GPC5: variants seen among roughly 807,000 people sequenced by gnomAD.
GPC5 encodes the protein glypican 5.
A neutral mutation model predicts 53.9 loss-of-function variants in GPC5; 47 were observed. The observed-to-expected ratio is 0.87, with a 90% CI of 0.69 to 1.11. The LOEUF is 1.11. GPC5 is among the 50% of genes most tolerant of loss of function. GPC5 has a pLI of 0.00. For missense variants in GPC5, 748 were observed against 713.1 expected, an observed-to-expected ratio of 1.05 and a Z score of -0.56; for synonymous variants, 286 against 263.3, an observed-to-expected ratio of 1.09 and a Z score of -0.84.
chr13:92,529,774 C>A (rs917379085), intron 7 of GPC5, among the ~76,000 whole-genome samples: 1 of 152,076 alleles, frequency 6.6e-6, no homozygotes, highest in African/African-American at 2.4e-5. Flanking sequence ...ATATTAAGCA[C>A]TAAAATTAAC....
At chr13:92,732,328 T>C (rs1888830315) in intron 7 of GPC5, among the ~76,000 whole-genome samples, 1 of 151,568 alleles carries the variant, frequency 6.6e-6, no homozygotes, top group African/African-American at 2.4e-5. Flanking sequence ...AAACTTGTTA[T>C]TGTCTTGAGC....
chr13:92,077,801 G>A (rs1424480282), intron 6 of GPC5, among the ~76,000 whole-genome samples: 1 of 152,160 alleles, frequency 6.6e-6, no homozygotes, highest in Non-Finnish European at 1.5e-5. Flanking sequence ...AGGAAAATGA[G>A]CAAGAAGAAT....
At chr13:91,701,433 T>C (rs1369561526) in intron 3 of GPC5, among the ~76,000 whole-genome samples, 1 of 152,162 alleles carries the variant, frequency 6.6e-6, no homozygotes, top group African/African-American at 2.4e-5. Context: ...ATGAGATTCA[T>C]ACAACATTTG....
intron 6 of GPC5, among the ~76,000 whole-genome samples, chr13:92,049,999 A>G (rs1321205989): frequency 6.6e-6 from 1 of 152,186 alleles, no homozygotes; most frequent in East Asian, 1.9e-4. Context: ...TTGTAAGCAG[A>G]AAACTTGTCT....
In GPC5 at chr13:91,832,724, C is replaced by G. The variant is rs541414525; in HGVS notation, c.1281-75213C>G. On this transcript the variant is annotated intron_variant, in intron 5 of 7. Coordinates refer to ENST00000377067, the MANE Select transcript of GPC5 (RefSeq NM_004466.6). Reference sequence around the variant, plus strand: ...ACAAAGACACAACGTACCAGAATCTCTGGGACACATTTGGAGCAGTGTTTA... The same window carrying G: ...ACAAAGACACAACGTACCAGAATCTGTGGGACACATTTGGAGCAGTGTTTA... 2.0e-5 allele frequency among the ~76,000 whole-genome samples: 3 copies of G among 152,204 alleles called. No homozygotes were observed. The East Asian group carries it at 5.8e-4, about 29-fold the overall frequency.
intron 7 of GPC5, among the ~76,000 whole-genome samples, chr13:92,377,674 TA>T (rs1291377325): frequency 1.3e-5 from 2 of 152,336 alleles, no homozygotes; most frequent in Non-Finnish European, 2.9e-5. Context: ...TATCACATAT[TA>T]TTTTTTTACT....
chr13:92,631,477 C>A (rs1885237340), intron 7 of GPC5, among the ~76,000 whole-genome samples: 1 of 152,080 alleles, frequency 6.6e-6, no homozygotes, highest in Non-Finnish European at 1.5e-5. Flanking sequence ...TTGAGAAACA[C>A]AACCATGTGA....
At chr13:91,778,576 C>T (rs935753057) in intron 5 of GPC5, among the ~76,000 whole-genome samples, 4 of 152,140 alleles carry the variant, frequency 2.6e-5, no homozygotes, top group African/African-American at 9.7e-5. Flanking sequence ...TATTAAACTA[C>T]TCTGCTTAAA....
At chr13:92,865,525 T>C (rs1048813621) in intron 7 of GPC5, among the ~76,000 whole-genome samples, 19 of 152,084 alleles carry the variant, frequency 1.2e-4, no homozygotes, top group Non-Finnish European at 1.0e-4. Context: ...GGGGAGATGG[T>C]GGTTGGAGGG....
chr13:92,401,740 C>T (rs1289367854), intron 7 of GPC5, among the ~76,000 whole-genome samples: 2 of 152,112 alleles, frequency 1.3e-5, no homozygotes, highest in African/African-American at 4.8e-5. Flanking sequence ...GTTACTTTTA[C>T]TGGAGATACC....
chr13:92,317,430 G>A (rs910224822), intron 7 of GPC5, among the ~76,000 whole-genome samples: 3 of 152,112 alleles, frequency 2.0e-5, no homozygotes, highest in African/African-American at 7.2e-5. Context: ...AAGATTTTAT[G>A]TGATTTACCC....
At position 92,487,840 on chromosome 13, in the gene GPC5, TAA is replaced by T. The variant is rs66972682; in HGVS notation, c.1561+342870_1561+342871del. ...AAATATGGACTATATATAAATATAG[TAA>T]AAAAAAAAAAAAAAAAAAGAAAGTA... is the stretch of plus-strand genomic sequence containing the variant. On this transcript the variant is annotated intron_variant, in intron 7 of 7. Transcript: ENST00000377067. Among the ~76,000 whole-genome samples, 821 of 99,554 alleles carry T rather than the reference TAA, an allele frequency of 8.2e-3. 5 individuals are homozygous for T. Among genetic ancestry groups the T allele is most frequent in the South Asian group, 0.017 (59 of 3,482 alleles). 65.3% of individuals were successfully genotyped at this position (99,554 alleles called of 152,430 possible). A position where few individuals can be genotyped will look rare whatever the true frequency, so the allele number is the denominator to read the frequency against.
chr13:92,710,867 A>G (rs1430136953), intron 7 of GPC5, among the ~76,000 whole-genome samples: 3 of 152,220 alleles, frequency 2.0e-5, no homozygotes, highest in Non-Finnish European at 4.4e-5. Flanking sequence ...AATTATTTTT[A>G]TGTGACAATG....
intron 5 of GPC5, among the ~76,000 whole-genome samples, chr13:91,813,072 T>C (rs2038338768): frequency 6.6e-6 from 1 of 152,186 alleles, no homozygotes; most frequent in Non-Finnish European, 1.5e-5. Flanking sequence ...AATGAGACAT[T>C]TCCATCTTTA....
intron 7 of GPC5, among the ~76,000 whole-genome samples, chr13:92,476,200 A>G (rs886589392): frequency 6.6e-6 from 1 of 152,182 alleles, no homozygotes; most frequent in African/African-American, 2.4e-5. Flanking sequence ...TTTACAAGAA[A>G]AAAACAAACA....
chr13:91,915,290 A>T (rs2039647340), intron 6 of GPC5, among the ~76,000 whole-genome samples: 1 of 152,200 alleles, frequency 6.6e-6, no homozygotes. Context: ...ATTCAATGGA[A>T]GGCTGCTTTC....
chr13:92,271,311 A>G lies in GPC5; in HGVS notation c.1561+126322A>G, dbSNP rs974213055. Among the ~76,000 whole-genome samples, 51 of 152,242 alleles carry G rather than the reference A, an allele frequency of 3.3e-4. 1 individual carries two copies. Among genetic ancestry groups the G allele is most frequent in the Non-Finnish European group, 1.5e-5 (1 of 68,040 alleles). ...TCACATTTTAACTAAGTGTAGAAGG[A>G]GAACTACCTGTTACTTCTAGCAAAA... On this transcript the variant is annotated intron_variant, in intron 7 of 7. Transcript: ENST00000377067.
chr13:91,508,595 C>G lies in GPC5; in HGVS notation c.325+59673C>G, dbSNP rs568519281. On this transcript the variant is annotated intron_variant, in intron 2 of 7. Transcript: ENST00000377067. ...GACATGAAGTTCTATTTATTAAGTG[C>G]CTGCTCTGTGTCACGCCCAGGAGAT... is the stretch of plus-strand genomic sequence containing the variant. Among the ~76,000 whole-genome samples, 170 of 152,194 alleles carry G rather than the reference C, an allele frequency of 1.1e-3. 2 individuals are homozygous for G. The highest frequency in any genetic ancestry group is 3.9e-3 in the African/African-American group (163 of 41,516).
At chr13:92,333,379 C>T (rs928058783) in intron 7 of GPC5, among the ~76,000 whole-genome samples, 41 of 152,176 alleles carry the variant, frequency 2.7e-4, no homozygotes, top group Middle Eastern at 3.4e-3. Context: ...TTTATCAGAA[C>T]CTAGGGGAAG....
Sources: gnomAD v4.1 joint callset for allele counts (sites outside exome capture counted in the v4.1 genomes callset) on GRCh38, gnomAD v4.1.1 for gene constraint, MANE v1.5 for transcripts, NCBI Gene and HGNC (gene_info 2026-07-23, HGNC 2026-07-21) for gene names.